Variants in TENM3 observed in about 807,000 individuals in gnomAD.
TENM3 encodes the protein teneurin-3.
In TENM3, 63 loss-of-function variants were observed where a neutral mutation model predicts 255.1. The observed-to-expected ratio is 0.25, with a 90% CI of 0.20 to 0.30. The LOEUF (loss-of-function observed/expected upper bound fraction) is 0.30, where lower values mean the gene tolerates loss of function less well. Among genes scored for constraint, TENM3 ranks in the 10% least tolerant of loss-of-function variants. The probability of loss-of-function intolerance (pLI) is 1.00; values close to 1 mark genes in which losing one functional copy is unlikely to be tolerated. For synonymous variants in TENM3, 1,306 were observed against 1,322.3 expected (o/e 0.99, Z 0.27); for missense variants, 2,929 against 3,461.1 (o/e 0.85, Z 3.86).
At chr4:181,604,473 C>A in the TENM3 span, among the ~76,000 whole-genome samples, 17 of 151,394 alleles carry the variant, frequency 1.1e-4, no homozygotes, top group Non-Finnish European at 1.5e-5. Flanking sequence ...ACATCTCAGT[C>A]TTCCCCCACC....
intron 3 of TENM3, among the ~76,000 whole-genome samples, chr4:182,386,069 A>C (rs1011789894): frequency 1.3e-5 from 2 of 152,230 alleles, no homozygotes; most frequent in Non-Finnish European, 2.9e-5. Context: ...TGTTTGACTT[A>C]GAACGTAAGA....
chr4:181,945,487 G>A, the TENM3 span, among the ~76,000 whole-genome samples: 1 of 151,914 alleles, frequency 6.6e-6, no homozygotes, highest in Non-Finnish European at 1.5e-5. Flanking sequence ...GCTATTTAAC[G>A]GACAAGAGCC....
chr4:182,322,621 G>T (rs903554389), intron 1 of TENM3, among the ~76,000 whole-genome samples: 7 of 152,156 alleles, frequency 4.6e-5, no homozygotes, highest in African/African-American at 1.7e-4. Context: ...CAGCCACAAG[G>T]CTCCAAGTTG....
chr4:181,509,489 C>G, the TENM3 span, among the ~76,000 whole-genome samples: 1 of 151,950 alleles, frequency 6.6e-6, no homozygotes. Context: ...TCTCCTTGTC[C>G]CCTGCGAGAA....
the TENM3 span, among the ~76,000 whole-genome samples, chr4:181,614,375 T>C: frequency 1.3e-5 from 2 of 152,160 alleles, no homozygotes; most frequent in African/African-American, 4.8e-5. Context: ...TTACAGGATT[T>C]TGGGGGACAG....
At chr4:181,481,879 A>G in the TENM3 span, among the ~76,000 whole-genome samples, 1 of 152,178 alleles carries the variant, frequency 6.6e-6, no homozygotes, top group Non-Finnish European at 1.5e-5. Flanking sequence ...AAATTCATAT[A>G]TTCTTCAAAA....
intron 22 of TENM3, among the ~76,000 whole-genome samples, chr4:182,771,024 G>T (rs1485882563): frequency 1.3e-5 from 2 of 152,158 alleles, no homozygotes; most frequent in African/African-American, 4.8e-5. Flanking sequence ...TACCTACAAA[G>T]GTTACTTGTA....
intron 3 of TENM3, among the ~76,000 whole-genome samples, chr4:182,520,690 A>G (rs1738479597): frequency 6.6e-6 from 1 of 152,160 alleles, no homozygotes; most frequent in Admixed American, 6.5e-5. Flanking sequence ...CCTAGAAGTA[A>G]ATTTCCTTCT....
At chr4:181,526,708 C>G in the TENM3 span, among the ~76,000 whole-genome samples, 1 of 152,126 alleles carries the variant, frequency 6.6e-6, no homozygotes, top group East Asian at 1.9e-4. Flanking sequence ...GTAATTGGGA[C>G]TTTATAACTA....
intron 1 of TENM3, among the ~76,000 whole-genome samples, chr4:182,206,030 C>A (rs747825034): frequency 6.7e-6 from 1 of 148,762 alleles, no homozygotes; most frequent in Non-Finnish European, 1.5e-5. Flanking sequence ...CACGATCCAC[C>A]GAAAGAAGAA....
chr4:182,204,665 T>G (rs1184720593), intron 1 of TENM3, among the ~76,000 whole-genome samples: 4 of 152,182 alleles, frequency 2.6e-5, no homozygotes, highest in African/African-American at 9.7e-5. Flanking sequence ...TGACCATTAT[T>G]TATCTAAGGG....
chr4:182,631,899 G>T (rs6841261), intron 5 of TENM3, among the ~76,000 whole-genome samples: 3 of 152,168 alleles, frequency 2.0e-5, no homozygotes, highest in African/African-American at 7.2e-5. Context: ...AAGGTAAGTT[G>T]TCTCAGGATA....
intron 6 of TENM3, among the ~76,000 whole-genome samples, chr4:182,657,712 G>A (rs1020745945): frequency 6.6e-6 from 1 of 152,166 alleles, no homozygotes; most frequent in African/African-American, 2.4e-5. Context: ...GGAATGCAGT[G>A]GCACAGTCAC....
intron 2 of TENM3, among the ~76,000 whole-genome samples, chr4:182,342,135 G>T (rs1369763014): frequency 6.6e-6 from 1 of 152,156 alleles, no homozygotes; most frequent in Non-Finnish European, 1.5e-5. Context: ...TCCTCTTCTA[G>T]GATATGCTCA....
At chr4:182,778,412 C>CA (rs1454400310) in intron 24 of TENM3, among the ~76,000 whole-genome samples, 22 of 152,274 alleles carry the variant, frequency 1.4e-4, no homozygotes, top group African/African-American at 4.6e-4. Context: ...ATCTGAGCGG[C>CA]ACGGCCTAGC....
At position 182,796,727 on chromosome 4, in the gene TENM3, C is replaced by G; in HGVS notation, c.7304C>G (p.Ser2435Cys). 1 of 1,611,662 alleles carries G rather than the reference C, an allele frequency of 6.2e-7. No homozygotes were observed. Residue 2435 changes from serine (S) to cysteine (C), a missense_variant, in exon 27 of 28, where the codon TCT (serine) becomes TGT (cysteine). Transcript: ENST00000511685. ...CCCAAATTTGATTTAACAGAACCTT[C>G]TTACGAACTTGTGAAGAGTCAGCAG... ...PVPKFDLTEP[S>C]YELVKSQQWD...
the TENM3 span, among the ~76,000 whole-genome samples, chr4:181,914,156 G>GCCTGAAGACTTCAAAGTTCTC: frequency 1.3e-5 from 2 of 152,122 alleles, no homozygotes; most frequent in Non-Finnish European, 2.9e-5. Flanking sequence ...GGCTCCCATT[G>GCCTGAAGACTTCAAAGTTCTC]CCTGAAGACT....
chr4:181,939,227 A>G, the TENM3 span, among the ~76,000 whole-genome samples: 1 of 152,328 alleles, frequency 6.6e-6, no homozygotes, highest in African/African-American at 2.4e-5. Context: ...TTCTTATACT[A>G]AGATATGGTT....
chr4:182,327,395 C>T (rs771797129), intron 2 of TENM3, among the ~76,000 whole-genome samples: 8 of 152,138 alleles, frequency 5.3e-5, no homozygotes, highest in African/African-American at 7.2e-5. Context: ...AATGCAACTT[C>T]GGCTGGAGAA....
Sources: allele counts gnomAD v4.1 joint callset (sites outside exome capture counted in the v4.1 genomes callset), GRCh38; gene constraint gnomAD v4.1.1; transcripts MANE v1.5; gene names NCBI Gene and HGNC (gene_info 2026-07-23, HGNC 2026-07-21).